Variants in TRIM52 observed in about 807,000 individuals in gnomAD.
TRIM52 encodes E3 ubiquitin-protein ligase TRIM52.
Under a neutral mutation model 27.0 loss-of-function variants are expected in TRIM52, and 24 were observed. That is an observed-to-expected ratio of 0.89 (90% confidence interval 0.64 to 1.25). The LOEUF is 1.25. Ranked by LOEUF, TRIM52 falls within the 50% of genes most tolerant of loss-of-function variation. TRIM52 has a pLI of 0.00. For missense variants in TRIM52, 351 were observed against 354.7 expected (o/e 0.99, Z 0.08); for synonymous variants, 125 against 126.5 (o/e 0.99, Z 0.08).
intron 1 of TRIM52, 53 bp from the exon 2 acceptor site, chr5:181,256,912 G>A (rs80076439): frequency 4.1e-6 from 4 of 985,018 alleles, no homozygotes; most frequent in Non-Finnish European, 4.8e-6. Flanking sequence ...TTTTTTTTTG[G>A]CTGCCATTTT....
rs1445041579 is a variant in TRIM52, at chr5:181,255,596, C to A, written c.*1213G>T. 2.6e-5 allele frequency: 4 copies of A among 152,158 alleles called. No individual in the cohort carries two copies. Among genetic ancestry groups the A allele is most frequent in the African/African-American group, 9.7e-5 (4 of 41,438 alleles). 9.4% of individuals were successfully genotyped at this position (152,158 alleles called of 1,614,324 possible). On this transcript the variant is annotated 3_prime_UTR_variant, in exon 2 of 2. Coordinates refer to ENST00000688015, the MANE Select transcript of TRIM52 (RefSeq NM_001346048.2). ...TAATTCCAAGTATTTCACTTTTTCC[C>A]TTCAAATAACACTCATGAATCTGGT...
chr5:181,260,106 G>A lies in TRIM52; in HGVS notation c.708C>T (p.Leu236=). Residue 236 remains leucine, a synonymous_variant, in exon 1 of 2, where the codon CTC becomes CTT. Transcript: ENST00000688015. This position sits in a 1 kb window ranked among gnomAD's most constrained non-coding sequence, Gnocchi z 4.4. The part of the protein sequence containing the change: ...MCFKHQEALK[L]FCEVDKEAIC... ...TGGCCTCTTTGTCCACCTCACAGAA[G>A]AGTTTCAGGGCTTCCTGGTGTTTAA... 1 of 1,614,198 alleles carries A rather than the reference G, an allele frequency of 6.2e-7. No homozygotes were observed. The highest frequency in any genetic ancestry group is 8.5e-7 in the Non-Finnish European group (1 of 1,180,042).
Position 181,256,183 on chromosome 5 carries a change from C to T in TRIM52, c.*626G>A, listed in dbSNP as rs1399611081. On this transcript the variant is annotated 3_prime_UTR_variant, in exon 2 of 2. Coordinates refer to ENST00000688015, the MANE Select transcript of TRIM52 (RefSeq NM_001346048.2). ...TTTGCTGTAGTGCCATTAAGATATA[C>T]TCCTATACAATTTCCTCCAACTCGG... 6.6e-6 allele frequency: 1 copy of T among 152,192 alleles called. No individual in the cohort carries two copies. The highest frequency in any genetic ancestry group is 6.5e-5 in the Admixed American group (1 of 15,274). 9.4% of individuals were successfully genotyped at this position (152,192 alleles called of 1,614,324 possible).
chr5:181,257,035 A>C, intron 1 of TRIM52, 176 bp from the exon 2 acceptor site: 1 of 993,012 alleles, frequency 1.0e-6, no homozygotes, highest in Non-Finnish European at 1.2e-6. Context: ...TGGCAGGACA[A>C]TCCAGGCATC....
At position 181,260,043 on chromosome 5, in the gene TRIM52, C is replaced by G. The variant is rs774841969; in HGVS notation, c.771G>C (p.Gln257His). The G allele has an allele frequency of 1.2e-6, 2 of 1,614,166 alleles. No individual in the cohort carries two copies. The highest frequency in any genetic ancestry group is 2.2e-5 in the South Asian group (2 of 91,074). The stretch of plus-strand genomic sequence containing the variant: ...CCTCCTCCAAAGGCAGCACGCTGTG[C>G]TGTTTGTGGCTCCTGGATTCTCGGC... ...VVCRESRSHK[Q>H]HSVLPLEEVV... The change falls in exon 1 of 2, where the codon CAG becomes CAC. Residue 257 changes from glutamine (Q) to histidine (H), a missense_variant. By Grantham distance (24) the Gln-to-His change is conservative (BLOSUM62 0). Coordinates refer to ENST00000688015, the MANE Select transcript of TRIM52 (RefSeq NM_001346048.2). This position sits in a 1 kb window ranked among gnomAD's most constrained non-coding sequence, Gnocchi z 4.4.
chr5:181,254,246 T>C (rs1173092676), downstream of TRIM52, among the ~76,000 whole-genome samples: 1 of 134,620 alleles, frequency 7.4e-6, no homozygotes, highest in Non-Finnish European at 1.5e-5. Flanking sequence ...GCCGAGATCG[T>C]GCCACCACAC....
At chr5:181,258,486 G>A (rs1022947900) in intron 1 of TRIM52, 2 of 152,146 alleles carry the variant, frequency 1.3e-5, no homozygotes, top group Non-Finnish European at 2.9e-5. Context: ...TTTTCCATGG[G>A]ATACTTTAGT....
chr5:181,257,319 A>G, intron 1 of TRIM52: 1 of 1,409,724 alleles, frequency 7.1e-7, no homozygotes, highest in African/African-American at 1.5e-5. Context: ...CCTCAAAACA[A>G]TAAAACTGTC....
downstream of TRIM52, among the ~76,000 whole-genome samples, chr5:181,250,227 A>G (rs934824149): frequency 3.9e-5 from 6 of 152,068 alleles, no homozygotes; most frequent in African/African-American, 1.5e-4. Flanking sequence ...GGGATGGTCC[A>G]GACAGGACTA....
intron 1 of TRIM52, chr5:181,257,108 C>T: frequency 9.5e-7 from 1 of 1,054,494 alleles, no homozygotes; most frequent in Non-Finnish European, 1.1e-6. Context: ...CACCCGTCTG[C>T]TTCCTAAAAC....
chr5:181,252,880 T>G (rs1759668958), downstream of TRIM52, among the ~76,000 whole-genome samples: 1 of 152,162 alleles, frequency 6.6e-6, no homozygotes, highest in Non-Finnish European at 1.5e-5. Context: ...GAGCTTGATT[T>G]TGTAAACTGT....
chr5:181,252,507 G>A (rs1665511031), downstream of TRIM52, among the ~76,000 whole-genome samples: 1 of 152,202 alleles, frequency 6.6e-6, no homozygotes, highest in Admixed American at 6.5e-5. Context: ...GCTTGAATGT[G>A]GAGGACTAGC....
chr5:181,254,231 A>G (rs1759698751), downstream of TRIM52, among the ~76,000 whole-genome samples: 2 of 138,022 alleles, frequency 1.4e-5, no homozygotes, highest in Admixed American at 1.4e-4. Flanking sequence ...CGGAGCTGGC[A>G]GTGAGCCGAG....
In TRIM52 at chr5:181,256,437, C is replaced by T. The variant is rs565960582; in HGVS notation, c.*372G>A. 6 of 151,498 alleles carry T rather than the reference C, an allele frequency of 4.0e-5. No individual in the cohort carries two copies. In the South Asian group the frequency reaches 6.3e-4, roughly 16 times the overall value. The allele number at this position is 151,498 out of a possible 1,614,324, so 9.4% of individuals were successfully genotyped here. ...AGGCTGGAGTGCAGTGGCTCAGTCT[C>T]GGCTTACTGCAAGCTCCGCCTCCCA... On this transcript the variant is annotated 3_prime_UTR_variant, in exon 2 of 2. Transcript: ENST00000688015.
chr5:181,260,250 C>T lies in TRIM52; in HGVS notation c.564G>A (p.Lys188=). Residue 188 remains lysine, a synonymous_variant, in exon 1 of 2, where the codon AAG becomes AAA. Coordinates refer to ENST00000688015, the MANE Select transcript of TRIM52 (RefSeq NM_001346048.2). The surrounding 1 kb of genome is among the most constrained non-coding windows in gnomAD (Gnocchi z 4.4). ...PGQFTCPQCR[K]SFTRRSFRPN... ...GACGAAAGCTGCGACGTGTAAAGCT[C>T]TTTCGGCACTGGGGGCAGGTGAACT... 1 of 1,614,186 alleles carries T rather than the reference C, an allele frequency of 6.2e-7. No individual in the cohort carries two copies. The highest frequency in any genetic ancestry group is 8.5e-7 in the Non-Finnish European group (1 of 1,180,022).
At chr5:181,258,195 A>T (rs1266813096) in intron 1 of TRIM52, 1 of 151,906 alleles carries the variant, frequency 6.6e-6, no homozygotes, top group Non-Finnish European at 1.5e-5. Context: ...GTTCAAGACC[A>T]GCCTGGCCAA....
downstream of TRIM52, among the ~76,000 whole-genome samples, chr5:181,252,369 A>G (rs957301053): frequency 6.6e-6 from 1 of 152,242 alleles, no homozygotes; most frequent in African/African-American, 2.4e-5. Context: ...ATTAAATACT[A>G]TCTTAAAAAT....
downstream of TRIM52, among the ~76,000 whole-genome samples, chr5:181,253,072 G>A (rs958163692): frequency 2.3e-5 from 3 of 130,522 alleles, no homozygotes; most frequent in Non-Finnish European, 4.6e-5. Flanking sequence ...TTTCATTCTT[G>A]TTGCCCAGGC....
chr5:181,253,503 A>G (rs1368008464), downstream of TRIM52, among the ~76,000 whole-genome samples: 1 of 142,812 alleles, frequency 7.0e-6, no homozygotes, highest in Non-Finnish European at 1.5e-5. Flanking sequence ...TCAACTGGGG[A>G]TGATTTTGCA....
Sources: allele counts gnomAD v4.1 joint callset (sites outside exome capture counted in the v4.1 genomes callset), GRCh38; gene constraint gnomAD v4.1.1; non-coding constraint Gnocchi (gnomAD v3.1); transcripts MANE v1.5; gene names NCBI Gene and HGNC (gene_info 2026-07-23, HGNC 2026-07-21).